The following DHX30 variants were observed in gnomAD, a reference collection of about 807,000 sequenced individuals.
DHX30 encodes the protein DExH-box helicase 30.
A neutral mutation model predicts 116.9 loss-of-function variants in DHX30; 4 were observed. That is an observed-to-expected ratio of 0.03 (90% CI 0.02 to 0.08). The LOEUF (loss-of-function observed/expected upper bound fraction) is 0.08. Ranked by LOEUF, DHX30 falls within the 10% of genes least tolerant of loss-of-function variation. DHX30 has a pLI of 1.00. For synonymous variants in DHX30, 697 were observed against 651.7 expected, an observed-to-expected ratio of 1.07 and a Z score of -1.06; for missense variants, 871 against 1,595.1, an observed-to-expected ratio of 0.55 and a Z score of 7.73.
intron 4 of DHX30, chr3:47,825,107 C>A: frequency 1.5e-6 from 1 of 673,592 alleles, no homozygotes; most frequent in Non-Finnish European, 2.7e-6. Context: ...CCGCTGGGTC[C>A]CCGCGCTGCT....
At chr3:47,827,146 T>C (rs779680387) in intron 4 of DHX30, among the ~76,000 whole-genome samples, 2 of 152,000 alleles carry the variant, frequency 1.3e-5, no homozygotes, top group Non-Finnish European at 2.9e-5. Flanking sequence ...CTTCAGGAGA[T>C]GGTTATTCAA....
intron 6 of DHX30, 34 bp from the exon 7 acceptor site, chr3:47,840,843 T>C (rs1418277409): frequency 1.2e-6 from 2 of 1,613,284 alleles, no homozygotes; most frequent in Non-Finnish European, 1.7e-6. Flanking sequence ...GTAAAGATGG[T>C]ATCAATCCTT....
chr3:47,818,624 G>GGCAA (rs1172541363), intron 4 of DHX30, among the ~76,000 whole-genome samples: 1 of 152,166 alleles, frequency 6.6e-6, no homozygotes, highest in Non-Finnish European at 1.5e-5. Flanking sequence ...CAGTCCACTT[G>GGCAA]GCAAGGTAGG....
intron 5 of DHX30, among the ~76,000 whole-genome samples, chr3:47,828,803 A>G (rs1559702243): frequency 6.6e-6 from 1 of 152,042 alleles, no homozygotes; most frequent in Non-Finnish European, 1.5e-5. Context: ...GAGCAAAACA[A>G]CTTGGGGTAG....
In DHX30 at chr3:47,849,923, G is replaced by A. The variant is rs2038052686; in HGVS notation, c.3388G>A (p.Gly1130Ser). The A allele has an allele frequency of 1.2e-6, 2 of 1,613,340 alleles. No homozygotes were observed. Among genetic ancestry groups the A allele is most frequent in the Non-Finnish European group, 1.7e-6 (2 of 1,179,820 alleles). The change falls in exon 22 of 22, where the codon GGT becomes AGT. Residue 1130 changes from glycine (G) to serine (S), a missense_variant. This residue lies in a region of DHX30 where 238 missense variants were observed against 481.0 expected (regional missense o/e 0.49). Coordinates refer to ENST00000445061, the MANE Select transcript of DHX30 (RefSeq NM_138615.3). ...LSDSDLLRLE[G>S]DSRTVRLLKE... ...CGACAGTGACCTGCTGCGGCTGGAG[G>A]GTGACTCGCGTACCGTGCGGCTGCT...
Position 47,847,380 on chromosome 3 carries a change from C to A in DHX30, c.2005+32C>A, listed in dbSNP as rs1203385182. 6.2e-7 allele frequency: 1 copy of A among 1,614,196 alleles called. No individual in the cohort carries two copies. The highest frequency in any genetic ancestry group is 2.2e-5 in the East Asian group (1 of 44,880). On this transcript the variant is annotated intron_variant, in intron 12 of 21. Transcript: ENST00000445061. The surrounding 1 kb of genome is among the most constrained non-coding windows in gnomAD (Gnocchi z 5.5). ...GCCTCCCCATCTGTCCCATGCTAGC[C>A]CTGGCCACGTTTGCAGCAACAGCTG...
chr3:47,811,119 CT>C (rs774376185), intron 3 of DHX30, among the ~76,000 whole-genome samples: 738 of 141,672 alleles, frequency 5.2e-3, no homozygotes, highest in Non-Finnish European at 4.9e-3. Flanking sequence ...TCGGCTAATT[CT>C]TTTTTTTTTT....
In DHX30 at chr3:47,823,037, G is replaced by A. The variant is rs564426352; in HGVS notation, c.125-4310G>A. 5.4e-5 allele frequency among the ~76,000 whole-genome samples: 8 copies of A among 148,504 alleles called. No homozygotes were observed. The South Asian group carries it at 6.4e-4, about 12-fold the overall frequency. On this transcript the variant is annotated intron_variant, in intron 4 of 21. Coordinates refer to ENST00000445061, the MANE Select transcript of DHX30 (RefSeq NM_138615.3). ...GAACCTGGGAGGTGGAGCTTGCAGT[G>A]AGCCGAGATTGCACCACTGCACTCC... is the stretch of plus-strand genomic sequence containing the variant.
chr3:47,846,602 C>T lies in DHX30; in HGVS notation c.1530C>T (p.Ser510=). The change falls in exon 11 of 22, where the codon TCC becomes TCT. Residue 510 remains serine, a synonymous_variant. Coordinates refer to ENST00000445061, the MANE Select transcript of DHX30 (RefSeq NM_138615.3). The part of the protein sequence containing the change: ...AQRVSHELGP[S]LRRNVGFQVR... ...GGGTCAGCCACGAACTGGGCCCCTC[C>T]CTGCGCCGGAATGTGGGCTTCCAGG... The T allele has an allele frequency of 6.2e-7, 1 of 1,614,130 alleles. No individual in the cohort carries two copies. The highest frequency in any genetic ancestry group is 8.5e-7 in the Non-Finnish European group (1 of 1,180,042).
chr3:47,810,930 G>T (rs1036118831), intron 3 of DHX30, among the ~76,000 whole-genome samples: 3 of 151,698 alleles, frequency 2.0e-5, no homozygotes, highest in Non-Finnish European at 2.9e-5. Flanking sequence ...CCCCTTCTGC[G>T]TACTCCCTGC....
rs747249055 is a variant in DHX30, at chr3:47,848,654, C to T, written c.2606C>T (p.Thr869Ile). The change falls in exon 17 of 22, where the codon ACC (threonine) becomes ATC (isoleucine). Residue 869 changes from threonine (T) to isoleucine (I), a missense_variant. Thr to Ile is a moderately conservative substitution (Grantham distance 89). Around this residue, in one of 13 missense-constraint regions of DHX30, gnomAD observed 238 missense variants for 481.0 expected, o/e 0.49. Transcript: ENST00000445061. This position sits in a 1 kb window ranked among gnomAD's most constrained non-coding sequence, Gnocchi z 9.4. ...CTGGACCAGCGGGAGTACCTGACTA[C>T]CCTGGGGCAGCGCCTGGCTCACATC... ...GVLDQREYLT[T>I]LGQRLAHIST... The T allele has an allele frequency of 1.3e-5, 21 of 1,613,972 alleles. No homozygotes were observed. The highest frequency in any genetic ancestry group is 1.6e-4 in the Middle Eastern group (1 of 6,084).
intron 9 of DHX30, among the ~76,000 whole-genome samples, chr3:47,844,487 G>C (rs1386258689): frequency 1.3e-5 from 2 of 152,252 alleles, no homozygotes; most frequent in Non-Finnish European, 2.9e-5. Flanking sequence ...TAAAACCCAT[G>C]AAGTCTGGGG....
intron 3 of DHX30, among the ~76,000 whole-genome samples, chr3:47,813,192 A>T (rs1576464286): frequency 6.6e-6 from 1 of 151,698 alleles, no homozygotes; most frequent in South Asian, 2.1e-4. Context: ...CAAAATAAAA[A>T]ATTAGCCGGG....
chr3:47,815,667 AC>A (rs1221874354), intron 3 of DHX30, among the ~76,000 whole-genome samples: 2 of 141,118 alleles, frequency 1.4e-5, no homozygotes, highest in Non-Finnish European at 3.0e-5. Flanking sequence ...CTGATTTCTT[AC>A]CTGTAATGCC....
chr3:47,848,681 C>A lies in DHX30; in HGVS notation c.2633C>A (p.Ser878Tyr). The change falls in exon 17 of 22, where the codon TCC (serine) becomes TAC (tyrosine). Residue 878 changes from serine (S) to tyrosine (Y), a missense_variant. By Grantham distance (144) the Ser-to-Tyr change is moderately radical. Coordinates refer to ENST00000445061, the MANE Select transcript of DHX30 (RefSeq NM_138615.3). This position sits in a 1 kb window ranked among gnomAD's most constrained non-coding sequence, Gnocchi z 9.4. The stretch of plus-strand genomic sequence containing the variant: ...CTGGGGCAGCGCCTGGCTCACATCT[C>A]CACCGACCCCCGGTTGGCCAAGGCC... ...TTLGQRLAHISTDPRLAKAIV... is the reference protein window; with the variant it reads ...TTLGQRLAHIYTDPRLAKAIV... The A allele has an allele frequency of 6.2e-7, 1 of 1,614,116 alleles. No homozygotes were observed. Among genetic ancestry groups the A allele is most frequent in the Non-Finnish European group, 8.5e-7 (1 of 1,180,014 alleles).
At chr3:47,813,541 T>C (rs1413801616) in intron 3 of DHX30, among the ~76,000 whole-genome samples, 1 of 152,180 alleles carries the variant, frequency 6.6e-6, no homozygotes, top group African/African-American at 2.4e-5. Context: ...GAACATGACT[T>C]TTTTTCTTCA....
intron 4 of DHX30, among the ~76,000 whole-genome samples, chr3:47,822,685 T>C (rs1376931853): frequency 1.3e-5 from 2 of 151,994 alleles, no homozygotes; most frequent in Non-Finnish European, 2.9e-5. Flanking sequence ...CTTGGGAGAC[T>C]GAGACAGGAG....
At chr3:47,836,806 C>G (rs558278183) in intron 6 of DHX30, among the ~76,000 whole-genome samples, 9 of 152,144 alleles carry the variant, frequency 5.9e-5, no homozygotes, top group Admixed American at 3.3e-4. Flanking sequence ...CCACCGTGCC[C>G]AGCCTAGTTG....
At chr3:47,816,665 C>T in intron 3 of DHX30, 1 of 985,524 alleles carries the variant, frequency 1.0e-6, no homozygotes, top group Non-Finnish European at 1.2e-6. Context: ...TACAAAGAGC[C>T]TTCTAATGTG....
Sources: gnomAD v4.1 joint callset for allele counts (sites outside exome capture counted in the v4.1 genomes callset) on GRCh38, gnomAD v4.1.1 for gene constraint, gnomAD v4.1.1 regional missense constraint, Gnocchi (gnomAD v3.1) non-coding constraint, MANE v1.5 for transcripts, NCBI Gene and HGNC (gene_info 2026-07-23, HGNC 2026-07-21) for gene names.